TRIM37: variants seen among roughly 807,000 people sequenced by gnomAD.
TRIM37 encodes the protein tripartite motif containing 37.
A neutral mutation model predicts 129.8 loss-of-function variants in TRIM37; 80 were observed. The ratio of observed to expected loss-of-function variants is 0.62; its 90% CI spans 0.51 to 0.74. The LOEUF (loss-of-function observed/expected upper bound fraction) is 0.74. Ranked by LOEUF, TRIM37 falls within the 30% of genes least tolerant of loss-of-function variation. The pLI is 0.00. For missense variants in TRIM37, 1,054 were observed against 1,176.5 expected (o/e 0.90, Z 1.52); for synonymous variants, 389 against 387.1 (o/e 1.00, Z -0.06).
intron 13 of TRIM37, among the ~76,000 whole-genome samples, chr17:59,054,991 A>G (rs114652207): frequency 0.01 from 1,541 of 152,102 alleles, 27 homozygotes; most frequent in African/African-American, 0.035. Context: ...TTGAGTCAGT[A>G]TTTACGTTCT....
In TRIM37 at chr17:59,038,919, A is replaced by C. The variant is rs1368624639; in HGVS notation, c.1753+2894T>G. On this transcript the variant is annotated intron_variant, in intron 17 of 23. Transcript: ENST00000262294. ...CTTACTGACTGCCAGATGCTGACTG[A>C]CTCACTCCCTGTTCCACAGCCGTAA... Among the ~76,000 whole-genome samples, 3 of 152,068 alleles carry C rather than the reference A, an allele frequency of 2.0e-5. No homozygotes were observed. In the East Asian group the frequency reaches 5.8e-4, roughly 29 times the overall value.
intron 22 of TRIM37, among the ~76,000 whole-genome samples, chr17:59,011,257 G>A (rs1422784126): frequency 1.3e-5 from 2 of 151,710 alleles, no homozygotes; most frequent in East Asian, 3.9e-4. Context: ...CTTTCTTGAT[G>A]TTTTAACAAT....
In TRIM37 at chr17:59,028,455, G is replaced by A; in HGVS notation, c.2217C>T (p.Leu739=). The A allele has an allele frequency of 1.2e-6, 2 of 1,613,902 alleles. No homozygotes were observed. Among genetic ancestry groups the A allele is most frequent in the South Asian group, 1.1e-5 (1 of 91,086 alleles). Reference sequence around the variant, plus strand: ...AATTGGCAACTGATGACTTTGCCAGGAGTTCCATTCCCAAATCCTGCAATC... The same window carrying A: ...AATTGGCAACTGATGACTTTGCCAGAAGTTCCATTCCCAAATCCTGCAATC... ...SGRLQDLGME[L]LAKSSVANCY... is the part of the protein sequence containing the mutation. Residue 739 remains leucine (L), a synonymous_variant, in exon 19 of 24, where the codon CTC becomes CTT. Coordinates refer to ENST00000262294, the MANE Select transcript of TRIM37 (RefSeq NM_015294.6).
chr17:59,056,747 A>AAAAAAG (rs2040952379), intron 13 of TRIM37, 128 bp downstream of exon 13: 5 of 427,714 alleles, frequency 1.2e-5, no homozygotes, highest in Admixed American at 4.2e-5. Flanking sequence ...AAAAAAAAAA[A>AAAAAAG]GGTGATAAGG....
intron 13 of TRIM37, among the ~76,000 whole-genome samples, chr17:59,054,728 A>G (rs1483524236): frequency 6.6e-6 from 1 of 152,040 alleles, no homozygotes; most frequent in Non-Finnish European, 1.5e-5. Context: ...GCAGTGGCAT[A>G]ATCTCGGTTC....
chr17:59,014,328 C>A (rs549474131), intron 21 of TRIM37, among the ~76,000 whole-genome samples: 1 of 152,070 alleles, frequency 6.6e-6, no homozygotes, highest in South Asian at 2.1e-4. Context: ...AGAACTATTT[C>A]ATTGTTTAAA....
chr17:59,007,718 T>C (rs1055145974), intron 22 of TRIM37, among the ~76,000 whole-genome samples: 1 of 152,172 alleles, frequency 6.6e-6, no homozygotes, highest in Non-Finnish European at 1.5e-5. Context: ...GGTTGTCCCA[T>C]ATGGTTCCAG....
chr17:59,083,162 G>A (rs1020461327), intron 5 of TRIM37, among the ~76,000 whole-genome samples: 7 of 152,078 alleles, frequency 4.6e-5, no homozygotes, highest in East Asian at 1.9e-4. Flanking sequence ...GAGGCTGGGC[G>A]CGGTGGCTTA....
chr17:59,015,138 T>C (rs1170150882), intron 21 of TRIM37, among the ~76,000 whole-genome samples: 2 of 148,822 alleles, frequency 1.3e-5, no homozygotes. Flanking sequence ...TCTGATACTT[T>C]AAAAAAGTTA....
Position 59,048,207 on chromosome 17 carries a change from C to T in TRIM37, c.1531-388G>A, listed in dbSNP as rs375005999. Among the ~76,000 whole-genome samples, 7 of 152,226 alleles carry T rather than the reference C, an allele frequency of 4.6e-5. No individual in the cohort carries two copies. The East Asian group carries it at 1.3e-3, about 29-fold the overall frequency. ...ATACCCACTATTAAGCAAAAACTTC[C>T]CCAACTTTTCAGCTGCCTTACCTGC... On this transcript the variant is annotated intron_variant, in intron 15 of 23. Transcript: ENST00000262294.
intron 20 of TRIM37, among the ~76,000 whole-genome samples, chr17:59,016,599 CAAAAAAAAAAAAAAAAA>C (rs57582105): frequency 1.9e-4 from 4 of 20,748 alleles, no homozygotes; most frequent in East Asian, 3.5e-3. Context: ...CCTGTCTCGG[CAAAAAAAAAAAAAAAAA>C]AAAAAAAAAA....
In TRIM37 at chr17:59,079,798, G is replaced by A; in HGVS notation, c.572C>T (p.Ala191Val). The change falls in exon 7 of 24, where the codon GCA (alanine) becomes GTA (valine). Residue 191 changes from alanine (A) to valine (V), a missense_variant. Physicochemically the swap from Ala to Val is moderately conservative, Grantham distance 64. This residue lies in a region of TRIM37 where 752 missense variants were observed against 870.8 expected (regional missense o/e 0.86). Coordinates refer to ENST00000262294, the MANE Select transcript of TRIM37 (RefSeq NM_015294.6). ...EIRNAVEMMI[A>V]RLDTQLKNKL... ...ATTCTTCAGCTGTGTGTCTAACCGT[G>A]CAATCATCATCTCCACTGCATTCCT... 6.2e-7 allele frequency: 1 copy of A among 1,614,038 alleles called. No homozygotes were observed. Among genetic ancestry groups the A allele is most frequent in the East Asian group, 2.2e-5 (1 of 44,854 alleles).
chr17:59,025,476 T>C (rs1350422847), intron 19 of TRIM37, among the ~76,000 whole-genome samples: 2 of 151,870 alleles, frequency 1.3e-5, no homozygotes, highest in African/African-American at 4.8e-5. Flanking sequence ...TTGTCTAAGA[T>C]AAAATTTTAA....
At chr17:58,996,765 TC>T (rs535373926), downstream of TRIM37, among the ~76,000 whole-genome samples, 4,040 of 135,640 alleles carry the variant, frequency 0.03, 167 homozygotes, top group African/African-American at 0.094. Context: ...TGAGACTCCA[TC>T]AAAAAAAAAA....
At chr17:59,045,055 C>T (rs1438230126) in intron 16 of TRIM37, among the ~76,000 whole-genome samples, 1 of 151,640 alleles carries the variant, frequency 6.6e-6, no homozygotes, top group African/African-American at 2.4e-5. Context: ...TGCTGGGTGC[C>T]GTGGCTCATG....
At position 59,028,557 on chromosome 17, in the gene TRIM37, A is replaced by G; in HGVS notation, c.2115T>C (p.Ala705=). ...TLSEIKSSSA[A]SGDMQTSLFS... ...AAAGGCTTGTCTGCATGTCTCCAGA[A>G]GCAGCACTGCTGCTTTTTATTTCTG... The change falls in exon 19 of 24, where the codon GCT becomes GCC. Residue 705 remains alanine (A), a synonymous_variant. Transcript: ENST00000262294. 1.9e-6 allele frequency: 3 copies of G among 1,614,250 alleles called. No homozygotes were observed. Among genetic ancestry groups the G allele is most frequent in the Non-Finnish European group, 2.5e-6 (3 of 1,180,042 alleles).
chr17:59,022,020 C>T (rs1598946681), intron 19 of TRIM37, among the ~76,000 whole-genome samples: 1 of 151,954 alleles, frequency 6.6e-6, no homozygotes, highest in African/African-American at 2.4e-5. Flanking sequence ...TTTATGAATG[C>T]TTTTTATTAG....
At chr17:59,065,458 A>G (rs1440320308) in intron 9 of TRIM37, among the ~76,000 whole-genome samples, 1 of 152,214 alleles carries the variant, frequency 6.6e-6, no homozygotes, top group African/African-American at 2.4e-5. Flanking sequence ...AACTACTTCA[A>G]GCAACTTTAG....
intron 19 of TRIM37, among the ~76,000 whole-genome samples, chr17:59,027,501 C>A (rs1401550300): frequency 1.3e-5 from 2 of 152,080 alleles, no homozygotes; most frequent in Non-Finnish European, 2.9e-5. Flanking sequence ...AAGATGGGAA[C>A]CTCAGTCAAG....
Sources: allele counts gnomAD v4.1 joint callset (sites outside exome capture counted in the v4.1 genomes callset), GRCh38; gene constraint gnomAD v4.1.1; regional missense constraint gnomAD v4.1.1; transcripts MANE v1.5; gene names NCBI Gene and HGNC (gene_info 2026-07-23, HGNC 2026-07-21).